Variants in RBFOX1 observed in about 807,000 individuals in gnomAD.
RBFOX1 encodes RNA binding protein fox-1 homolog 1.
RBFOX1 carries 8 observed loss-of-function variants against 57.7 expected under a neutral mutation model. The observed-to-expected ratio is 0.14, with a 90% CI of 0.08 to 0.25. RBFOX1 has a LOEUF of 0.25. Among genes scored for constraint, RBFOX1 ranks in the 10% least tolerant of loss-of-function variants. The pLI, the probability that RBFOX1 is intolerant of heterozygous loss-of-function variation, is 1.00. For synonymous variants in RBFOX1, 326 were observed against 222.4 expected (o/e 1.47, Z -4.15); for missense variants, 611 against 548.5 (o/e 1.11, Z -1.14).
At chr16:6,953,100 C>G (rs1263624412) in intron 3 of RBFOX1, among the ~76,000 whole-genome samples, 2 of 152,122 alleles carry the variant, frequency 1.3e-5, no homozygotes, top group African/African-American at 2.4e-5. Flanking sequence ...ACAAAGAAGG[C>G]TTGAAGGTCT....
At chr16:7,084,642 G>T (rs2059709485) in intron 4 of RBFOX1, among the ~76,000 whole-genome samples, 1 of 152,180 alleles carries the variant, frequency 6.6e-6, no homozygotes, top group African/African-American at 2.4e-5. Context: ...TTCAAATTGA[G>T]CTTCAAAGAC....
At chr16:5,843,568 C>A (rs889967970) in intron 3 of RBFOX1, among the ~76,000 whole-genome samples, 1 of 152,056 alleles carries the variant, frequency 6.6e-6, no homozygotes, top group Non-Finnish European at 1.5e-5. Context: ...GCATTTAGGT[C>A]GATTTCATGT....
At chr16:5,342,405 C>T (rs1168434854) in intron 1 of RBFOX1, among the ~76,000 whole-genome samples, 2 of 152,166 alleles carry the variant, frequency 1.3e-5, no homozygotes, top group Non-Finnish European at 2.9e-5. Flanking sequence ...GTGAATAATG[C>T]CTCAGTCTCT....
intron 2 of RBFOX1, among the ~76,000 whole-genome samples, chr16:5,596,081 A>G (rs1297058531): frequency 6.6e-6 from 1 of 152,166 alleles, no homozygotes; most frequent in Admixed American, 6.5e-5. Flanking sequence ...CTGGGACCTC[A>G]GGCTCAGGGA....
chr16:6,344,137 G>A (rs1012636454), intron 2 of RBFOX1, among the ~76,000 whole-genome samples: 92 of 152,114 alleles, frequency 6.0e-4, no homozygotes, highest in Non-Finnish European at 1.1e-3. Flanking sequence ...TTGATCTTAT[G>A]CAACCTCCAC....
chr16:5,337,018 C>G (rs1418918061), intron 1 of RBFOX1, among the ~76,000 whole-genome samples: 1 of 152,180 alleles, frequency 6.6e-6, no homozygotes, highest in Non-Finnish European at 1.5e-5. Flanking sequence ...TTTCCAAGCT[C>G]CCCTGGAGAA....
chr16:7,080,871 C>G (rs956187693), intron 4 of RBFOX1, among the ~76,000 whole-genome samples: 2 of 152,170 alleles, frequency 1.3e-5, no homozygotes, highest in Non-Finnish European at 2.9e-5. Context: ...ACCAAGGGAG[C>G]CTTTGAAATA....
intron 4 of RBFOX1, among the ~76,000 whole-genome samples, chr16:7,234,307 G>A (rs1345647782): frequency 1.3e-5 from 2 of 152,234 alleles, no homozygotes; most frequent in South Asian, 2.1e-4. Flanking sequence ...TTATCTTCCA[G>A]TGGGTTGGTG....
At chr16:6,555,468 G>A (rs1567665573) in intron 2 of RBFOX1, among the ~76,000 whole-genome samples, 1 of 152,144 alleles carries the variant, frequency 6.6e-6, no homozygotes, top group Non-Finnish European at 1.5e-5. Flanking sequence ...GGGAGGCGGA[G>A]ACAGGCGGAT....
chr16:5,689,176 G>A (rs2050593879), intron 3 of RBFOX1, among the ~76,000 whole-genome samples: 1 of 152,144 alleles, frequency 6.6e-6, no homozygotes, highest in Non-Finnish European at 1.5e-5. Context: ...TTGTGGGGAG[G>A]GCAGCCACAC....
chr16:5,329,455 T>A (rs1354910672), intron 1 of RBFOX1, among the ~76,000 whole-genome samples: 1 of 152,012 alleles, frequency 6.6e-6, no homozygotes, highest in Non-Finnish European at 1.5e-5. Flanking sequence ...AAAGGGGAAA[T>A]CTGCCCCCAT....
At chr16:6,651,530 C>G (rs528049495) in intron 2 of RBFOX1, among the ~76,000 whole-genome samples, 133 of 152,286 alleles carry the variant, frequency 8.7e-4, no homozygotes, top group African/African-American at 2.9e-3. Flanking sequence ...TGCCTGTCCT[C>G]TCTTCATTAT....
At chr16:5,742,674 C>G (rs2052818832) in intron 3 of RBFOX1, among the ~76,000 whole-genome samples, 1 of 152,196 alleles carries the variant, frequency 6.6e-6, no homozygotes, top group African/African-American at 2.4e-5. Context: ...AGTACTGGCC[C>G]AGCTGTGCAG....
At chr16:5,721,959 G>C (rs2151535843) in intron 3 of RBFOX1, among the ~76,000 whole-genome samples, 1 of 152,314 alleles carries the variant, frequency 6.6e-6, no homozygotes, top group African/African-American at 2.4e-5. Flanking sequence ...CTACCTGGAA[G>C]GTCTTGACAG....
At chr16:5,464,134 A>C (rs1431723412) in intron 1 of RBFOX1, among the ~76,000 whole-genome samples, 1 of 152,188 alleles carries the variant, frequency 6.6e-6, no homozygotes, top group Non-Finnish European at 1.5e-5. Flanking sequence ...GGAAGGAGGC[A>C]CAGCTGGGGA....
chr16:6,973,598 A>G (rs2086090781), intron 3 of RBFOX1, among the ~76,000 whole-genome samples: 1 of 151,988 alleles, frequency 6.6e-6, no homozygotes, highest in Admixed American at 6.6e-5. Flanking sequence ...AATGGTGAGG[A>G]CTTTTTATTG....
At chr16:7,359,989 A>AG (rs1192606829) in intron 4 of RBFOX1, among the ~76,000 whole-genome samples, 3 of 151,908 alleles carry the variant, frequency 2.0e-5, no homozygotes, top group Admixed American at 6.6e-5. Context: ...GTCTCAAAAA[A>AG]AAACAAAAAA....
At chr16:6,716,178 T>G (rs1231635419) in intron 3 of RBFOX1, among the ~76,000 whole-genome samples, 1 of 152,232 alleles carries the variant, frequency 6.6e-6, no homozygotes, top group African/African-American at 2.4e-5. Context: ...AATAGAGGGT[T>G]ATAATACCTT....
In RBFOX1 at chr16:5,909,090, C is replaced by CTTTTTTTTTTTTTTTTTT. The variant is rs3041577; in HGVS notation, c.351+41758_351+41775dup. Among the ~76,000 whole-genome samples, 2 of 116,390 alleles carry CTTTTTTTTTTTTTTTTTT rather than the reference C, an allele frequency of 1.7e-5. 1 individual carries two copies. 76.4% of individuals were successfully genotyped at this position (116,390 alleles called of 152,430 possible). Reference sequence around the variant, plus strand: ...ATCGGCTCCAACAGACTAAGCCCCCCTTTTTTTTTTTTTTTTTTTTGAGAC... The same window carrying CTTTTTTTTTTTTTTTTTT: ...ATCGGCTCCAACAGACTAAGCCCCCCTTTTTTTTTTTTTTTTTTTTTTTTTTTTTTTTTTTTTTGAGAC... On this transcript the variant is annotated intron_variant, in intron 4 of 19. Transcript: ENST00000641259.
Sources: allele counts gnomAD v4.1 joint callset (sites outside exome capture counted in the v4.1 genomes callset), GRCh38; gene constraint gnomAD v4.1.1; transcripts MANE v1.5; gene names NCBI Gene and HGNC (gene_info 2026-07-23, HGNC 2026-07-21).